Variants in SPRED1 observed in about 807,000 individuals in gnomAD.
The protein encoded by SPRED1 is sprouty-related, EVH1 domain-containing protein 1.
A neutral mutation model predicts 52.3 loss-of-function variants in SPRED1; 18 were observed. The observed-to-expected ratio is 0.34, with a 90% CI of 0.24 to 0.51. The LOEUF (loss-of-function observed/expected upper bound fraction) is 0.51. SPRED1 is among the 20% of genes least tolerant of loss of function. The probability of loss-of-function intolerance (pLI) is 0.97; values close to 1 mark genes in which losing one functional copy is unlikely to be tolerated. For missense variants in SPRED1, 485 were observed against 551.0 expected, an observed-to-expected ratio of 0.88 and a Z score of 1.20; for synonymous variants, 155 against 179.7, an observed-to-expected ratio of 0.86 and a Z score of 1.10.
At chr15:38,334,886 T>C (rs924370210) in intron 4 of SPRED1, among the ~76,000 whole-genome samples, 10 of 60,576 alleles carry the variant, frequency 1.7e-4, no homozygotes, top group Non-Finnish European at 4.6e-4. Flanking sequence ...GGTCAAAAAG[T>C]ACGGATTTTT....
intron 2 of SPRED1, among the ~76,000 whole-genome samples, chr15:38,312,772 A>G (rs1249784268): frequency 6.6e-6 from 1 of 152,064 alleles, no homozygotes; most frequent in Non-Finnish European, 1.5e-5. Context: ...TTTCATATTC[A>G]GGGTCATAAA....
chr15:38,262,504 G>A (rs60397655), intron 1 of SPRED1, among the ~76,000 whole-genome samples: 42 of 152,222 alleles, frequency 2.8e-4, no homozygotes, highest in African/African-American at 9.9e-4. Flanking sequence ...GGAAGAGAGG[G>A]GGCAGAAGAC....
intron 3 of SPRED1, among the ~76,000 whole-genome samples, chr15:38,323,413 G>A (rs1595747385): frequency 6.6e-6 from 1 of 151,888 alleles, no homozygotes; most frequent in African/African-American, 2.4e-5. Flanking sequence ...CCTTAGATCA[G>A]TGTTCTTAAC....
At chr15:38,340,003 C>T (rs1046197800) in intron 5 of SPRED1, 108 bp downstream of exon 5, 1 of 1,374,882 alleles carries the variant, frequency 7.3e-7, no homozygotes, top group Non-Finnish European at 1.0e-6. Flanking sequence ...ACACAGTAAA[C>T]AAACAAACAA....
intron 2 of SPRED1, among the ~76,000 whole-genome samples, chr15:38,307,186 G>A (rs1895267077): frequency 6.6e-6 from 1 of 152,164 alleles, no homozygotes; most frequent in African/African-American, 2.4e-5. Context: ...TAATTTGAAT[G>A]TGTCATGCTT....
chr15:38,256,836 T>A (rs1161640392), intron 1 of SPRED1, among the ~76,000 whole-genome samples: 2 of 149,212 alleles, frequency 1.3e-5, no homozygotes, highest in East Asian at 3.9e-4. Flanking sequence ...TATATATATA[T>A]AAAATTGGAA....
rs189650250 is a variant in SPRED1, at chr15:38,253,638, C to T, written c.32+421C>T. On this transcript the variant is annotated intron_variant, in intron 1 of 6. Transcript: ENST00000299084. ...TAATGTGTGGGAGCACCTCCTGCAG[C>T]AAACTGCTCTTGAATCTTAATTCGA... Among the ~76,000 whole-genome samples, 232 of 152,220 alleles carry T rather than the reference C, an allele frequency of 1.5e-3. 2 individuals are homozygous for T. The highest frequency in any genetic ancestry group is 1.1e-3 in the Non-Finnish European group (76 of 68,020).
At chr15:38,343,837 C>T (rs1180473429) in intron 5 of SPRED1, among the ~76,000 whole-genome samples, 1 of 151,980 alleles carries the variant, frequency 6.6e-6, no homozygotes, top group Non-Finnish European at 1.5e-5. Context: ...TCATTTTAAT[C>T]CTCTCAACAA....
intron 4 of SPRED1, among the ~76,000 whole-genome samples, chr15:38,334,712 G>T (rs527953102): frequency 1.4e-4 from 21 of 151,864 alleles, no homozygotes; most frequent in African/African-American, 3.9e-4. Flanking sequence ...CTTAATTTTT[G>T]ACCAGTTCCC....
chr15:38,311,417 G>T (rs1895364698), intron 2 of SPRED1, among the ~76,000 whole-genome samples: 1 of 152,078 alleles, frequency 6.6e-6, no homozygotes, highest in Non-Finnish European at 1.5e-5. Context: ...TTTAATATTG[G>T]TGTCAAGGTA....
intron 2 of SPRED1, among the ~76,000 whole-genome samples, chr15:38,301,846 A>T (rs1332396264): frequency 6.8e-6 from 1 of 147,704 alleles, no homozygotes; most frequent in Non-Finnish European, 1.5e-5. Context: ...TTTTATTTTA[A>T]CCCATTTTCC....
chr15:38,349,572 G>GTT lies in SPRED1; in HGVS notation c.684+49_684+50insTT, dbSNP rs61670754. The GTT allele has an allele frequency of 0.88, 1,092,657 of 1,245,204 alleles. 482,804 individuals carry two copies. Among genetic ancestry groups the GTT allele is most frequent in the Non-Finnish European group, 0.9 (767,780 of 855,852 alleles). The allele number at this position is 1,245,204 out of a possible 1,614,324, so 77.1% of individuals were successfully genotyped here. A position where few individuals can be genotyped will look rare whatever the true frequency, so the allele number is the denominator to read the frequency against. On this transcript the variant is annotated intron_variant, in intron 6 of 6. Transcript: ENST00000299084. ...TGATATGGAATTTAACTAATTAATA[G>GTT]ATAGGTAAAGTTTTCCAGTCTTTCT... is the stretch of plus-strand genomic sequence containing the variant.
rs77928896 is a variant in SPRED1, at chr15:38,289,184, T to G, written c.33-10189T>G. Among the ~76,000 whole-genome samples, 1,262 of 152,122 alleles carry G rather than the reference T, an allele frequency of 8.3e-3. 18 individuals carry two copies. Among genetic ancestry groups the G allele is most frequent in the African/African-American group, 0.029 (1,191 of 41,508 alleles). On this transcript the variant is annotated intron_variant, in intron 1 of 6. Coordinates refer to ENST00000299084, the MANE Select transcript of SPRED1 (RefSeq NM_152594.3). Reference sequence around the variant, plus strand: ...TGAATTTGTTGGGGTTTTACAAGTTTTGTATTCCACGTTTAAGAAAAACTG... The same window carrying G: ...TGAATTTGTTGGGGTTTTACAAGTTGTGTATTCCACGTTTAAGAAAAACTG...
intron 6 of SPRED1, among the ~76,000 whole-genome samples, chr15:38,350,438 T>A (rs1888457083): frequency 6.6e-6 from 1 of 152,194 alleles, no homozygotes; most frequent in Non-Finnish European, 1.5e-5. Context: ...CCAAATACAG[T>A]CGCATTACTG....
At chr15:38,256,824 T>A (rs772724137) in intron 1 of SPRED1, among the ~76,000 whole-genome samples, 8 of 88,104 alleles carry the variant, frequency 9.1e-5, no homozygotes, top group Non-Finnish European at 1.6e-4. Context: ...CACACACACA[T>A]ATATATATAT....
chr15:38,296,724 G>C (rs370401969), intron 1 of SPRED1, among the ~76,000 whole-genome samples: 3 of 152,074 alleles, frequency 2.0e-5, no homozygotes, highest in Non-Finnish European at 4.4e-5. Context: ...TATCGTCCTA[G>C]TTCAATTCAG....
At chr15:38,260,261 G>C (rs1328327448) in intron 1 of SPRED1, among the ~76,000 whole-genome samples, 1 of 152,194 alleles carries the variant, frequency 6.6e-6, no homozygotes, top group Non-Finnish European at 1.5e-5. Flanking sequence ...CCTTGCTTCT[G>C]GTGGTTGTTG....
chr15:38,262,159 G>A (rs1272138840), intron 1 of SPRED1, among the ~76,000 whole-genome samples: 1 of 152,156 alleles, frequency 6.6e-6, no homozygotes, highest in Admixed American at 6.5e-5. Flanking sequence ...GGATAGATTT[G>A]AACAGGGACC....
intron 1 of SPRED1, among the ~76,000 whole-genome samples, chr15:38,273,873 T>C (rs1894491960): frequency 1.3e-5 from 2 of 152,140 alleles, no homozygotes; most frequent in East Asian, 1.9e-4. Context: ...TACTGAACTA[T>C]GTTTATTTCT....
Sources: gnomAD v4.1 joint callset for allele counts (sites outside exome capture counted in the v4.1 genomes callset) on GRCh38, gnomAD v4.1.1 for gene constraint, MANE v1.5 for transcripts, NCBI Gene and HGNC (gene_info 2026-07-23, HGNC 2026-07-21) for gene names.